The following PTPRD variants were observed in gnomAD, a reference collection of about 807,000 sequenced individuals.
PTPRD encodes the protein protein tyrosine phosphatase receptor type D, also known as receptor-type tyrosine-protein phosphatase delta.
A neutral mutation model predicts 214.5 loss-of-function variants in PTPRD; 34 were observed. The ratio of observed to expected loss-of-function variants is 0.16; its 90% CI spans 0.12 to 0.21. The LOEUF (loss-of-function observed/expected upper bound fraction) is 0.21. Among genes scored for constraint, PTPRD ranks in the 10% least tolerant of loss-of-function variants. The pLI is 1.00. For synonymous variants in PTPRD, 1,128 were observed against 845.7 expected (o/e 1.33, Z -5.79); for missense variants, 2,545 against 2,398.7 (o/e 1.06, Z -1.27).
At chr9:8,422,756 C>A (rs183737242) in intron 35 of PTPRD, among the ~76,000 whole-genome samples, 21 of 152,172 alleles carry the variant, frequency 1.4e-4, no homozygotes, top group Admixed American at 3.3e-4. Context: ...AAATCAATGC[C>A]CAGTTGCACG....
intron 10 of PTPRD, among the ~76,000 whole-genome samples, chr9:9,125,670 C>G (rs1439743784): frequency 2.0e-5 from 3 of 152,168 alleles, no homozygotes; most frequent in Non-Finnish European, 4.4e-5. Flanking sequence ...AATCACTGAT[C>G]TAAACAATTC....
At chr9:10,155,716 CTTTAG>C (rs907507899) in intron 3 of PTPRD, among the ~76,000 whole-genome samples, 2 of 152,058 alleles carry the variant, frequency 1.3e-5, no homozygotes, top group African/African-American at 4.8e-5. Context: ...GTGGTTTTGT[CTTTAG>C]TTATGTTTAT....
At chr9:10,075,835 T>C (rs2098124067) in intron 3 of PTPRD, among the ~76,000 whole-genome samples, 1 of 152,086 alleles carries the variant, frequency 6.6e-6, no homozygotes, top group Non-Finnish European at 1.5e-5. Flanking sequence ...GTTCTTTTCA[T>C]TTCTAGAAGC....
At chr9:10,599,527 G>C (rs1293931385) in intron 2 of PTPRD, among the ~76,000 whole-genome samples, 1 of 151,638 alleles carries the variant, frequency 6.6e-6, no homozygotes, top group African/African-American at 2.4e-5. Flanking sequence ...CCAAAACTTG[G>C]GGACAGGGTG....
chr9:9,548,725 T>C (rs1488184847), intron 8 of PTPRD, among the ~76,000 whole-genome samples: 1 of 152,114 alleles, frequency 6.6e-6, no homozygotes, highest in Non-Finnish European at 1.5e-5. Flanking sequence ...AGTGCCGTAT[T>C]AGACAAAGTT....
chr9:9,842,353 A>G (rs558014746), intron 5 of PTPRD, among the ~76,000 whole-genome samples: 1 of 123,600 alleles, frequency 8.1e-6, no homozygotes, highest in South Asian at 2.6e-4. Flanking sequence ...AAACTCTAGT[A>G]TGGTGCTGTG....
chr9:9,698,411 T>C (rs1037637847), intron 7 of PTPRD, among the ~76,000 whole-genome samples: 4 of 152,212 alleles, frequency 2.6e-5, no homozygotes, highest in Non-Finnish European at 4.4e-5. Context: ...AAATTCAGTG[T>C]GTTGCCTGTC....
intron 10 of PTPRD, among the ~76,000 whole-genome samples, chr9:9,058,641 G>C (rs921282699): frequency 1.3e-5 from 2 of 150,896 alleles, no homozygotes. Context: ...AGTAGAGACG[G>C]GGTTTCACCG....
chr9:9,548,150 A>T (rs746029831), intron 8 of PTPRD, among the ~76,000 whole-genome samples: 1 of 151,946 alleles, frequency 6.6e-6, no homozygotes, highest in Non-Finnish European at 1.5e-5. Flanking sequence ...AAAATTCTTC[A>T]AGTTAAATGA....
chr9:10,481,396 T>G (rs2099096984), intron 2 of PTPRD, among the ~76,000 whole-genome samples: 1 of 152,230 alleles, frequency 6.6e-6, no homozygotes, highest in African/African-American at 2.4e-5. Flanking sequence ...GATATTCATA[T>G]TGAATATAAA....
At chr9:9,248,893 G>C (rs2099974194) in intron 9 of PTPRD, among the ~76,000 whole-genome samples, 1 of 152,020 alleles carries the variant, frequency 6.6e-6, no homozygotes, top group Non-Finnish European at 1.5e-5. Flanking sequence ...CTACTCTAAA[G>C]AATCATGGAG....
At chr9:9,875,910 C>A (rs964198477) in intron 5 of PTPRD, among the ~76,000 whole-genome samples, 1 of 152,012 alleles carries the variant, frequency 6.6e-6, no homozygotes, top group African/African-American at 2.4e-5. Context: ...TAATGGTTTT[C>A]TCTAGTGAAT....
intron 12 of PTPRD, among the ~76,000 whole-genome samples, chr9:8,668,988 A>C (rs2097222621): frequency 6.6e-6 from 1 of 152,072 alleles, no homozygotes; most frequent in African/African-American, 2.4e-5. Context: ...TGTCACAAGA[A>C]GAGGATCAAA....
chr9:9,359,992 A>T (rs2055400417), intron 9 of PTPRD, among the ~76,000 whole-genome samples: 1 of 151,308 alleles, frequency 6.6e-6, no homozygotes, highest in African/African-American at 2.4e-5. Flanking sequence ...GATAGTCTCT[A>T]GTAAGGATGC....
intron 14 of PTPRD, among the ~76,000 whole-genome samples, chr9:8,594,693 G>A (rs941788509): frequency 4.6e-5 from 7 of 152,004 alleles, no homozygotes; most frequent in East Asian, 1.9e-4. Flanking sequence ...TCTTGCCTGC[G>A]GCCATGTAAA....
chr9:9,420,519 T>C (rs1587918072), intron 8 of PTPRD, among the ~76,000 whole-genome samples: 1 of 151,866 alleles, frequency 6.6e-6, no homozygotes, highest in Admixed American at 6.6e-5. Context: ...GGAATACAAA[T>C]CAAAATTTTA....
intron 3 of PTPRD, among the ~76,000 whole-genome samples, chr9:10,291,202 G>C (rs150515815): frequency 6.6e-6 from 1 of 151,898 alleles, no homozygotes; most frequent in African/African-American, 2.4e-5. Flanking sequence ...GAACACTAGA[G>C]TCTCCCTGGG....
At chr9:9,170,254 C>T (rs1356729015) in intron 10 of PTPRD, among the ~76,000 whole-genome samples, 1 of 152,102 alleles carries the variant, frequency 6.6e-6, no homozygotes, top group African/African-American at 2.4e-5. Context: ...TTCTGAAACC[C>T]ATACCAAAAA....
intron 3 of PTPRD, among the ~76,000 whole-genome samples, chr9:10,292,807 C>T (rs925391975): frequency 2.0e-5 from 3 of 151,632 alleles, no homozygotes; most frequent in Admixed American, 6.6e-5. Context: ...GCCCCCAACA[C>T]ATAAAATACA....
Sources: gnomAD v4.1 joint callset for allele counts (sites outside exome capture counted in the v4.1 genomes callset) on GRCh38, gnomAD v4.1.1 for gene constraint, MANE v1.5 for transcripts, NCBI Gene and HGNC (gene_info 2026-07-23, HGNC 2026-07-21) for gene names.